Variants in PRSS36 observed in about 807,000 individuals in gnomAD.
The protein encoded by PRSS36 is serine protease 36.
A neutral mutation model predicts 94.3 loss-of-function variants in PRSS36; 90 were observed. The observed-to-expected ratio is 0.95, with a 90% CI of 0.80 to 1.14. The LOEUF (loss-of-function observed/expected upper bound fraction) is 1.14. Ranked by LOEUF, PRSS36 falls within the 50% of genes most tolerant of loss-of-function variation. The pLI is 0.00. For missense variants in PRSS36, 1,158 were observed against 1,135.0 expected, an observed-to-expected ratio of 1.02 and a Z score of -0.29; for synonymous variants, 500 against 489.6, an observed-to-expected ratio of 1.02 and a Z score of -0.28.
intron 14 of PRSS36, among the ~76,000 whole-genome samples, 187 bp downstream of exon 14, chr16:31,140,102 AATGGC>A (rs746568488): frequency 1.3e-5 from 2 of 151,560 alleles, no homozygotes; most frequent in Non-Finnish European, 2.9e-5. Flanking sequence ...GAGGCAGGAG[AATGGC>A]ATGAACCAGG....
intron 12 of PRSS36, among the ~76,000 whole-genome samples, chr16:31,140,963 C>T (rs1596841144): frequency 6.6e-6 from 1 of 152,132 alleles, no homozygotes; most frequent in Non-Finnish European, 1.5e-5. Context: ...CTTGCTCTGT[C>T]GCTCCGACTG....
Position 31,143,604 on chromosome 16 carries a change from G to A in PRSS36, c.954C>T (p.Cys318=), listed in dbSNP as rs1023590884. ...SDPQEPREEN[C]TIALPECGKA... ...CCCACTCACCAGGCAGGGCAATGGT[G>A]CAGTTCTCCTCCCTGGGCTCCTGGG... Residue 318 remains cysteine (C), a synonymous_variant, in exon 7 of 15, where the codon TGC becomes TGT. Transcript: ENST00000268281. 9.3e-6 allele frequency: 15 copies of A among 1,614,094 alleles called. No individual in the cohort carries two copies. Among genetic ancestry groups the A allele is most frequent in the Non-Finnish European group, 1.1e-5 (13 of 1,180,040 alleles).
At chr16:31,142,675 G>GTGGCC in intron 9 of PRSS36, 31 bp from the exon 10 acceptor site, 3 of 1,407,280 alleles carry the variant, frequency 2.1e-6, no homozygotes, top group Non-Finnish European at 2.8e-6. Context: ...AGCCCGCGCT[G>GTGGCC]CGGCCCAGAC....
rs61752606 is a variant in PRSS36, at chr16:31,139,160, A to G, written c.2546T>C (p.Leu849Pro). ...CCCTCAGCTCTGGATCAGGAGAGTCAGCAGGAGCAGGAAGTAGACTGCATG... is the reference window on the plus strand; with the variant it reads ...CCCTCAGCTCTGGATCAGGAGAGTCGGCAGGAGCAGGAAGTAGACTGCATG... ...SPHAVYFLLL[L>P]TLLIQS The change falls in exon 15 of 15, where the codon CTG becomes CCG. Residue 849 changes from leucine to proline, a missense_variant. By Grantham distance (98) the Leu-to-Pro change is moderately conservative. Transcript: ENST00000268281. The G allele has an allele frequency of 3.2e-5, 51 of 1,577,318 alleles. No homozygotes were observed. In the African/African-American group the frequency reaches 5.8e-4, roughly 18 times the overall value.
intron 5 of PRSS36, among the ~76,000 whole-genome samples, chr16:31,147,017 G>T (rs1010769276): frequency 6.6e-6 from 1 of 152,098 alleles, no homozygotes; most frequent in Non-Finnish European, 1.5e-5. Flanking sequence ...AAAAAGAAAA[G>T]AATTTGAGGT....
In PRSS36 at chr16:31,140,385, G is replaced by A. The variant is rs748044859; in HGVS notation, c.2198C>T (p.Thr733Ile). The change falls in exon 14 of 15, where the codon ACA (threonine) becomes ATA (isoleucine). Residue 733 changes from threonine to isoleucine, a missense_variant. Coordinates refer to ENST00000268281, the MANE Select transcript of PRSS36 (RefSeq NM_173502.5). ...VPVAAAVSIL[T>I]QRICDCLYQG... ...ATAGAGGCAGTCACAGATTCGTTGT[G>A]TCAAGATGGAGACAGCAGCAGCCAC... is the stretch of plus-strand genomic sequence containing the variant. 4.3e-6 allele frequency: 7 copies of A among 1,614,042 alleles called. No homozygotes were observed. The highest frequency in any genetic ancestry group is 5.9e-6 in the Non-Finnish European group (7 of 1,179,996).
At position 31,141,731 on chromosome 16, in the gene PRSS36, T is replaced by A. The variant is rs748481334; in HGVS notation, c.1751A>T (p.Glu584Val). 1.9e-6 allele frequency: 3 copies of A among 1,612,888 alleles called. No individual in the cohort carries two copies. Among genetic ancestry groups the A allele is most frequent in the Non-Finnish European group, 2.5e-6 (3 of 1,179,008 alleles). ...AAAAGCGTCCTGCTCACCACCATGC[T>A]CTGTGTGTGGGGGACAAGTCTGTGT... is the stretch of plus-strand genomic sequence containing the variant. Reference protein sequence around the residue: ...TETQTCPPHTEHGACGLRLEA... With the variant: ...TETQTCPPHTVHGACGLRLEA... The change falls in exon 11 of 15, where the codon GAG becomes GTG. Residue 584 changes from glutamate (E) to valine (V), a missense_variant. By Grantham distance (121) the Glu-to-Val change is moderately radical. Transcript: ENST00000268281.
chr16:31,148,366 G>C, intron 5 of PRSS36, 29 bp downstream of exon 5: 2 of 1,519,152 alleles, frequency 1.3e-6, no homozygotes, highest in Non-Finnish European at 1.7e-6. Context: ...CCTCCCCGAG[G>C]CCCTCCCCTC....
intron 10 of PRSS36, 124 bp downstream of exon 10, chr16:31,142,357 G>T: frequency 1.8e-6 from 2 of 1,141,482 alleles, no homozygotes; most frequent in Non-Finnish European, 2.4e-6. Flanking sequence ...AGCCCACTCG[G>T]ACCCGCCTTC....
Position 31,150,065 on chromosome 16 carries a change from G to A in PRSS36, c.-30C>T. On this transcript the variant is annotated 5_prime_UTR_variant, in exon 1 of 15. Transcript: ENST00000268281. Reference sequence around the variant, plus strand: ...CTAGAGTCAGCGGAGGCAGAGCCAAGTGAAGGTCTGCTCCCTGCAGGGCTC... The same window carrying A: ...CTAGAGTCAGCGGAGGCAGAGCCAAATGAAGGTCTGCTCCCTGCAGGGCTC... The A allele has an allele frequency of 6.2e-7, 1 of 1,611,870 alleles. No homozygotes were observed. Among genetic ancestry groups the A allele is most frequent in the South Asian group, 1.1e-5 (1 of 90,904 alleles).
At position 31,141,880 on chromosome 16, in the gene PRSS36, A is replaced by G. The variant is rs780295289; in HGVS notation, c.1602T>C (p.Cys534=). The change falls in exon 11 of 15, where the codon TGT becomes TGC. Residue 534 remains cysteine, a synonymous_variant. Coordinates refer to ENST00000268281, the MANE Select transcript of PRSS36 (RefSeq NM_173502.5). ...GAGGGAAGAAGGCTCGGGGACGTAG[A>G]CAGCCACTGGGAAAGTCTCTGATTC... ...LAGIRDFPSG[C]LRPRAFFPLQ... 2.5e-6 allele frequency: 4 copies of G among 1,614,160 alleles called. No homozygotes were observed. The Admixed American group carries it at 6.7e-5, about 27-fold the overall frequency.
rs889082646 is a variant in PRSS36 at position 31,142,517 on chromosome 16, A to G, written c.1485T>C (p.Pro495=). 3 of 1,513,032 alleles carry G rather than the reference A, an allele frequency of 2.0e-6. No individual in the cohort carries two copies. The highest frequency in any genetic ancestry group is 1.8e-6 in the Non-Finnish European group (2 of 1,133,748). 93.7% of individuals were successfully genotyped at this position (1,513,032 alleles called of 1,614,324 possible). A position where few individuals can be genotyped will look rare whatever the true frequency, so the allele number is the denominator to read the frequency against. ...LPGDPPHALC[P]AYQEKEEVGS... ...CCACCTCCTCCTTTTCCTGGTAGGC[A>G]GGGCAGAGCGCGTGCGGCGGGTCTC... The change falls in exon 10 of 15, where the codon CCT becomes CCC. Residue 495 remains proline (P), a synonymous_variant. Transcript: ENST00000268281.
At chr16:31,143,888 A>T in intron 6 of PRSS36, 51 bp from the exon 7 acceptor site, 1 of 1,605,206 alleles carries the variant, frequency 6.2e-7, no homozygotes. Context: ...ACCTACTCGA[A>T]AAGGTCCTGC....
At position 31,145,794 on chromosome 16, in the gene PRSS36, A is replaced by G; in HGVS notation, c.715T>C (p.Cys239Arg). 1 of 1,612,712 alleles carries G rather than the reference A, an allele frequency of 6.2e-7. No individual in the cohort carries two copies. The highest frequency in any genetic ancestry group is 1.3e-5 in the African/African-American group (1 of 75,048). Residue 239 changes from cysteine to arginine, a missense_variant, in exon 6 of 15, where the codon TGC becomes CGC. Coordinates refer to ENST00000268281, the MANE Select transcript of PRSS36 (RefSeq NM_173502.5). ...GTGCCGGGGCCTTCCCTCACCTGGCAGGTGTCCCTGCGGCCCTCTGGGTAG... is the reference window on the plus strand; with the variant it reads ...GTGCCGGGGCCTTCCCTCACCTGGCGGGTGTCCCTGCGGCCCTCTGGGTAG... ...AGYPEGRRDT[C>R]QGDSGGPLVC...
At chr16:31,146,914 G>A (rs751859055) in intron 5 of PRSS36, among the ~76,000 whole-genome samples, 1 of 152,144 alleles carries the variant, frequency 6.6e-6, no homozygotes, top group Non-Finnish European at 1.5e-5. Context: ...GCTGGGAGGC[G>A]GAGGTTGCAG....
chr16:31,145,759 T>C, intron 6 of PRSS36, 30 bp downstream of exon 6: 1 of 1,602,720 alleles, frequency 6.2e-7, no homozygotes, highest in East Asian at 2.2e-5. Flanking sequence ...ACTCTGGCCC[T>C]GCCAGGCAGG....
intron 12 of PRSS36, 78 bp downstream of exon 12, chr16:31,141,391 A>T: frequency 6.8e-7 from 1 of 1,480,100 alleles, no homozygotes; most frequent in Non-Finnish European, 9.0e-7. Context: ...AAACAAACAA[A>T]CAAATAACAA....
At chr16:31,145,709 G>T in intron 6 of PRSS36, 80 bp downstream of exon 6, 1 of 1,406,456 alleles carries the variant, frequency 7.1e-7, no homozygotes, top group South Asian at 1.3e-5. Flanking sequence ...TGCAGATGAG[G>T]CTTGGAGAGA....
chr16:31,139,723 T>C (rs1419443186), intron 14 of PRSS36, among the ~76,000 whole-genome samples: 1 of 151,252 alleles, frequency 6.6e-6, no homozygotes, highest in African/African-American at 2.4e-5. Flanking sequence ...CTACTAAAAA[T>C]ACAAAAATTA....
Sources: allele counts gnomAD v4.1 joint callset (sites outside exome capture counted in the v4.1 genomes callset), GRCh38; gene constraint gnomAD v4.1.1; transcripts MANE v1.5; gene names NCBI Gene and HGNC (gene_info 2026-07-23, HGNC 2026-07-21).